EXD3: variants seen among roughly 807,000 people sequenced by gnomAD.
The protein encoded by EXD3 is exonuclease 3'-5' domain containing 3.
EXD3 carries 92 observed loss-of-function variants against 98.0 expected under a neutral mutation model. The observed-to-expected ratio is 0.94, with a 90% CI of 0.79 to 1.12. The LOEUF (loss-of-function observed/expected upper bound fraction) is 1.12, where lower values mean the gene tolerates loss of function less well. Ranked by LOEUF, EXD3 falls within the 50% of genes most tolerant of loss-of-function variation. The pLI is 0.00. For missense variants in EXD3, 1,222 were observed against 1,191.6 expected (o/e 1.03, Z -0.38); for synonymous variants, 569 against 526.0 (o/e 1.08, Z -1.12).
At position 137,407,158 on chromosome 9, in the gene EXD3, T is replaced by C. The variant is rs1229456118; in HGVS notation, c.-47-11754A>G. On this transcript the variant is annotated intron_variant, in intron 1 of 21. Coordinates refer to ENST00000340951, the MANE Select transcript of EXD3 (RefSeq NM_017820.5). The surrounding 1 kb of genome is among the most constrained non-coding windows in gnomAD (Gnocchi z 4.4). ...ACCGCCGCGCGTCCGGGCCGGTCTC[T>C]GGGCCCCTCTGCTGGTGGAACCCGG... Among the ~76,000 whole-genome samples the C allele has an allele frequency of 6.6e-6, 1 of 152,152 alleles. No homozygotes were observed. Among genetic ancestry groups the C allele is most frequent in the Non-Finnish European group, 1.5e-5 (1 of 68,010 alleles).
intron 18 of EXD3, 95 bp downstream of exon 18, chr9:137,323,995 C>G: frequency 1.3e-6 from 2 of 1,531,340 alleles, no homozygotes; most frequent in African/African-American, 1.4e-5. Context: ...GGGTCGGCCC[C>G]ACGGCAAGCT....
Position 137,385,695 on chromosome 9 carries a change from G to A in EXD3, c.56-2318C>T, listed in dbSNP as rs1836556893. Among the ~76,000 whole-genome samples, 1 of 152,018 alleles carries A rather than the reference G, an allele frequency of 6.6e-6. No individual in the cohort carries two copies. Among genetic ancestry groups the A allele is most frequent in the African/African-American group, 2.4e-5 (1 of 41,402 alleles). On this transcript the variant is annotated intron_variant, in intron 2 of 21. Transcript: ENST00000340951. The surrounding 1 kb of genome is among the most constrained non-coding windows in gnomAD (Gnocchi z 4.4). ...AGTACAGGCGCTCACCGCTACGCCT[G>A]GCTAATTTTTGTATTTTTAGTAGAG...
At chr9:137,406,552 T>C (rs2131810151) in intron 1 of EXD3, among the ~76,000 whole-genome samples, 1 of 152,306 alleles carries the variant, frequency 6.6e-6, no homozygotes, top group South Asian at 2.1e-4. Context: ...GCGTGCCCCG[T>C]GGCCGTCTGG....
At chr9:137,399,858 G>A (rs916861600) in intron 1 of EXD3, among the ~76,000 whole-genome samples, 11 of 152,054 alleles carry the variant, frequency 7.2e-5, no homozygotes, top group African/African-American at 1.9e-4. Flanking sequence ...CCAACATGGC[G>A]AAACCCTGTC....
chr9:137,410,472 G>A (rs1364734671), intron 1 of EXD3, among the ~76,000 whole-genome samples: 4 of 135,378 alleles, frequency 3.0e-5, no homozygotes, highest in Non-Finnish European at 3.1e-5. Context: ...GCGACAGAGC[G>A]AAACTCTGTC....
chr9:137,396,509 G>A lies in EXD3; in HGVS notation c.-47-1105C>T, dbSNP rs78201635. ...TCACGGTGGCCATTCCCGGGGAGAC[G>A]GACCTGTGTGTGTTTCTCAGCCACA... On this transcript the variant is annotated intron_variant, in intron 1 of 21. Coordinates refer to ENST00000340951, the MANE Select transcript of EXD3 (RefSeq NM_017820.5). 1.2e-3 allele frequency among the ~76,000 whole-genome samples: 187 copies of A among 152,270 alleles called. 3 individuals carry two copies. The East Asian group carries it at 0.031, about 25-fold the overall frequency.
rs374558169 is a variant in EXD3, at chr9:137,402,892, A to C, written c.-47-7488T>G. ...TCTTACATGGTGGCAGCAAGAGAAAATGAGGAACCAAAAGTGGAAACCCTG... is the reference window on the plus strand; with the variant it reads ...TCTTACATGGTGGCAGCAAGAGAAACTGAGGAACCAAAAGTGGAAACCCTG... On this transcript the variant is annotated intron_variant, in intron 1 of 21. Coordinates refer to ENST00000340951, the MANE Select transcript of EXD3 (RefSeq NM_017820.5). 5.3e-4 allele frequency among the ~76,000 whole-genome samples: 81 copies of C among 152,310 alleles called. No homozygotes were observed. In the Middle Eastern group the frequency reaches 0.031, roughly 58 times the overall value.
At chr9:137,327,704 A>G (rs1832517141) in intron 17 of EXD3, among the ~76,000 whole-genome samples, 1 of 149,886 alleles carries the variant, frequency 6.7e-6, no homozygotes, top group Non-Finnish European at 1.5e-5. Flanking sequence ...ATACACTCAT[A>G]TGATGAGTAA....
chr9:137,332,329 C>T (rs989341028), intron 17 of EXD3, among the ~76,000 whole-genome samples: 1 of 152,208 alleles, frequency 6.6e-6, no homozygotes, highest in Non-Finnish European at 1.5e-5. Flanking sequence ...GTGGCTCACG[C>T]CTGTAATCCC....
At position 137,393,209 on chromosome 9, in the gene EXD3, G is replaced by A. The variant is rs1309905844; in HGVS notation, c.55+2094C>T. 3 of 702,760 alleles carry A rather than the reference G, an allele frequency of 4.3e-6. No individual in the cohort carries two copies. The highest frequency in any genetic ancestry group is 3.0e-5 in the South Asian group (2 of 67,602). 43.5% of individuals were successfully genotyped at this position (702,760 alleles called of 1,614,324 possible). A position where few individuals can be genotyped will look rare whatever the true frequency, so the allele number is the denominator to read the frequency against. Reference sequence around the variant, plus strand: ...AAACATCCCACTCTGCTTAGGTGGAGAAGAGGCTGTAGAAGCCTGTGGGTG... The same window carrying A: ...AAACATCCCACTCTGCTTAGGTGGAAAAGAGGCTGTAGAAGCCTGTGGGTG... On this transcript the variant is annotated intron_variant, in intron 2 of 21. Coordinates refer to ENST00000340951, the MANE Select transcript of EXD3 (RefSeq NM_017820.5). The surrounding 1 kb of genome is among the most constrained non-coding windows in gnomAD (Gnocchi z 4.6).
intron 11 of EXD3, 67 bp downstream of exon 11, chr9:137,352,553 G>A (rs28480070): frequency 0.056 from 78,749 of 1,402,812 alleles, 4,102 homozygotes; most frequent in African/African-American, 0.27. Context: ...GTGAGCTGTC[G>A]TCCCAAGGGT....
chr9:137,343,922 C>T (rs1309945961), intron 17 of EXD3, among the ~76,000 whole-genome samples: 4 of 81,524 alleles, frequency 4.9e-5, no homozygotes, highest in Non-Finnish European at 8.9e-5. Flanking sequence ...GACAGAGTCT[C>T]ACTTTGTCTC....
At position 137,400,810 on chromosome 9, in the gene EXD3, G is replaced by A. The variant is rs963239671; in HGVS notation, c.-47-5406C>T. On this transcript the variant is annotated intron_variant, in intron 1 of 21. Transcript: ENST00000340951. ...AATGGGAGAAATTGGACAAAACAAA[G>A]GGATTACAGGGCCCACGCAAGTCTG... Among the ~76,000 whole-genome samples the A allele has an allele frequency of 6.6e-5, 10 of 151,808 alleles. 1 individual carries two copies. Among genetic ancestry groups the A allele is most frequent in the Admixed American group, 5.9e-4 (9 of 15,234 alleles).
Position 137,395,881 on chromosome 9 carries a change from G to T in EXD3, c.-47-477C>A, listed in dbSNP as rs868039530. On this transcript the variant is annotated intron_variant, in intron 1 of 21. Transcript: ENST00000340951. The surrounding 1 kb of genome is among the most constrained non-coding windows in gnomAD (Gnocchi z 6.5). ...CACGGCTGACCCAGTACGCAGCTCCGTAAGACTCCAGGCGGCCGCTGACAG... is the reference window on the plus strand; with the variant it reads ...CACGGCTGACCCAGTACGCAGCTCCTTAAGACTCCAGGCGGCCGCTGACAG... Among the ~76,000 whole-genome samples the T allele has an allele frequency of 1.3e-5, 2 of 152,104 alleles. No homozygotes were observed. The highest frequency in any genetic ancestry group is 6.5e-5 in the Admixed American group (1 of 15,276).
intron 8 of EXD3, among the ~76,000 whole-genome samples, chr9:137,355,490 G>GACGGAGGAAGGAGGA (rs748944988): frequency 5.7e-4 from 16 of 27,878 alleles, no homozygotes; most frequent in African/African-American, 2.3e-3. Context: ...GAGGAAGGAG[G>GACGGAGGAAGGAGGA]ATGGAGGAAG....
intron 19 of EXD3, among the ~76,000 whole-genome samples, chr9:137,321,388 C>T (rs1264939955): frequency 6.6e-6 from 1 of 152,190 alleles, no homozygotes; most frequent in African/African-American, 2.4e-5. Flanking sequence ...AAACTTCCCC[C>T]AGAATTGGGC....
intron 7 of EXD3, among the ~76,000 whole-genome samples, chr9:137,364,684 C>T (rs925790086): frequency 4.0e-5 from 6 of 151,898 alleles, no homozygotes; most frequent in African/African-American, 1.5e-4. Flanking sequence ...TCTTCTTCAC[C>T]CTCCCAGTTT....
At chr9:137,365,754 G>GA in intron 7 of EXD3, 1 of 313,958 alleles carries the variant, frequency 3.2e-6, no homozygotes, top group Non-Finnish European at 6.2e-6. Flanking sequence ...ACACATACAT[G>GA]CACACACACA....
chr9:137,376,615 G>A (rs372250081), intron 3 of EXD3, among the ~76,000 whole-genome samples: 23 of 152,032 alleles, frequency 1.5e-4, no homozygotes, highest in African/African-American at 5.1e-4. Flanking sequence ...CCACCTGCTC[G>A]CTTCCTCCCG....
Sources: gnomAD v4.1 joint callset for allele counts (sites outside exome capture counted in the v4.1 genomes callset) on GRCh38, gnomAD v4.1.1 for gene constraint, Gnocchi (gnomAD v3.1) non-coding constraint, MANE v1.5 for transcripts, NCBI Gene and HGNC (gene_info 2026-07-23, HGNC 2026-07-21) for gene names.